GAREM1: variants seen among roughly 807,000 people sequenced by gnomAD.
GAREM1 encodes the protein GRB2-associated and regulator of MAPK protein 1.
GAREM1 carries 26 observed loss-of-function variants against 71.3 expected under a neutral mutation model. That is an observed-to-expected ratio of 0.36 (90% confidence interval 0.27 to 0.51). GAREM1 has a LOEUF of 0.51. GAREM1 is among the 20% of genes least tolerant of loss of function. The pLI is 0.95. For missense variants in GAREM1, 1,026 were observed against 1,103.1 expected, an observed-to-expected ratio of 0.93 and a Z score of 0.99; for synonymous variants, 440 against 433.2, an observed-to-expected ratio of 1.02 and a Z score of -0.20.
chr18:32,410,627 T>C (rs930090045), intron 1 of GAREM1, among the ~76,000 whole-genome samples: 2 of 152,126 alleles, frequency 1.3e-5, no homozygotes, highest in African/African-American at 4.8e-5. Flanking sequence ...GGTTCTATTA[T>C]TAATTAACTA....
intron 2 of GAREM1, among the ~76,000 whole-genome samples, chr18:32,362,442 G>T (rs368826816): frequency 5.3e-5 from 8 of 151,926 alleles, no homozygotes; most frequent in Non-Finnish European, 1.5e-5. Flanking sequence ...ATTTTCCTTC[G>T]GTTGTTAAAT....
intron 2 of GAREM1, among the ~76,000 whole-genome samples, chr18:32,314,878 C>T (rs770873683): frequency 6.6e-5 from 10 of 152,014 alleles, no homozygotes; most frequent in Admixed American, 2.6e-4. Context: ...TGAGCCACCG[C>T]GCCCTGCCAA....
At chr18:32,357,370 C>T (rs991308793) in intron 2 of GAREM1, among the ~76,000 whole-genome samples, 26 of 152,216 alleles carry the variant, frequency 1.7e-4, no homozygotes, top group African/African-American at 6.0e-4. Context: ...CAAGTAGCTT[C>T]TCCTTTTAAA....
At chr18:32,446,799 C>T (rs1378513071) in intron 1 of GAREM1, among the ~76,000 whole-genome samples, 3 of 152,088 alleles carry the variant, frequency 2.0e-5, no homozygotes, top group African/African-American at 7.2e-5. Context: ...CTTGCAATTC[C>T]TATAATTATT....
At position 32,266,225 on chromosome 18, in the gene GAREM1, T is replaced by C. The variant is rs1286416132; in HGVS notation, c.*1646A>G. On this transcript the variant is annotated 3_prime_UTR_variant, in exon 6 of 6. Coordinates refer to ENST00000269209, the MANE Select transcript of GAREM1 (RefSeq NM_001242409.2). ...TGGATTAAAAATATCTTTCTTCTAA[T>C]GCCAAGAAATAAAGACACATTTCAC... The C allele has an allele frequency of 6.6e-6, 1 of 152,184 alleles. No homozygotes were observed. The highest frequency in any genetic ancestry group is 1.5e-5 in the Non-Finnish European group (1 of 68,032). 9.4% of individuals were successfully genotyped at this position (152,184 alleles called of 1,614,324 possible).
intron 5 of GAREM1, 88 bp from the exon 6 acceptor site, chr18:32,268,856 T>A: frequency 9.2e-7 from 1 of 1,090,080 alleles, no homozygotes; most frequent in Non-Finnish European, 1.3e-6. Context: ...TACTGCTGAG[T>A]AGAAAAGCGC....
At chr18:32,420,194 T>C (rs192314356) in intron 1 of GAREM1, among the ~76,000 whole-genome samples, 5 of 152,332 alleles carry the variant, frequency 3.3e-5, no homozygotes, top group Admixed American at 1.3e-4. Flanking sequence ...TAGCTTTAAA[T>C]AGTTTCAAAA....
intron 3 of GAREM1, among the ~76,000 whole-genome samples, chr18:32,289,313 T>C (rs2047056301): frequency 6.6e-6 from 1 of 152,122 alleles, no homozygotes; most frequent in African/African-American, 2.4e-5. Flanking sequence ...TACTTATTTA[T>C]ACTTTTATCA....
intron 1 of GAREM1, among the ~76,000 whole-genome samples, chr18:32,469,372 C>T (rs1454498168): frequency 6.6e-6 from 1 of 152,158 alleles, no homozygotes; most frequent in Non-Finnish European, 1.5e-5. Context: ...CCACAGCTGC[C>T]CCACAGCAGG....
chr18:32,315,120 A>G (rs1282967214), intron 2 of GAREM1, among the ~76,000 whole-genome samples: 5 of 152,104 alleles, frequency 3.3e-5, no homozygotes, highest in African/African-American at 4.8e-5. Context: ...TCTCTGAGGT[A>G]AGAGGTTACC....
chr18:32,268,475 A>G lies in GAREM1; in HGVS notation c.2027T>C (p.Leu676Pro). Reference protein sequence around the residue: ...PAPFDFDGCELLASPTSPVTA... With the variant: ...PAPFDFDGCEPLASPTSPVTA... ...GACTGGGCTAGTGGGGCTGGCCAGG[A>G]GCTCACAGCCATCAAAATCAAAAGG... Residue 676 changes from leucine (L) to proline (P), a missense_variant, in exon 6 of 6, where the codon CTC (leucine) becomes CCC (proline). Transcript: ENST00000269209. 1 of 1,614,140 alleles carries G rather than the reference A, an allele frequency of 6.2e-7. No individual in the cohort carries two copies. The highest frequency in any genetic ancestry group is 1.7e-4 in the Middle Eastern group (1 of 6,058).
At chr18:32,448,690 C>T (rs1161194138) in intron 1 of GAREM1, among the ~76,000 whole-genome samples, 1 of 152,126 alleles carries the variant, frequency 6.6e-6, no homozygotes, top group Non-Finnish European at 1.5e-5. Flanking sequence ...ATTTATGTAC[C>T]TTTGAGGACA....
chr18:32,469,392 T>C (rs957392333), intron 1 of GAREM1, among the ~76,000 whole-genome samples: 10 of 152,140 alleles, frequency 6.6e-5, no homozygotes, highest in East Asian at 3.9e-4. Context: ...GGCAGGCTTC[T>C]TTCTGCAAAC....
chr18:32,295,971 TTTTTC>T (rs771853470), intron 3 of GAREM1, among the ~76,000 whole-genome samples: 5 of 151,968 alleles, frequency 3.3e-5, no homozygotes, highest in Non-Finnish European at 7.4e-5. Context: ...TTCTTTTTTT[TTTTTC>T]TTTTGAGATG....
chr18:32,455,405 T>C lies in GAREM1; in HGVS notation c.121+14903A>G, dbSNP rs185578148. On this transcript the variant is annotated intron_variant, in intron 1 of 5. Coordinates refer to ENST00000269209, the MANE Select transcript of GAREM1 (RefSeq NM_001242409.2). The stretch of plus-strand genomic sequence containing the variant: ...TACATTGAGAATAGCATGTGAAAGT[T>C]GCCCCTCCTACAAAAAATAATGGGG... 4.7e-3 allele frequency among the ~76,000 whole-genome samples: 711 copies of C among 152,252 alleles called. 4 individuals are homozygous for C. Among genetic ancestry groups the C allele is most frequent in the Middle Eastern group, 0.014 (4 of 294 alleles).
rs948656137 is a variant in GAREM1, at chr18:32,273,925, T to C, written c.1567-3542A>G. On this transcript the variant is annotated intron_variant, in intron 4 of 5. Transcript: ENST00000269209. The stretch of plus-strand genomic sequence containing the variant: ...CTCACTTTAGAGAAAGGTGTTTTGT[T>C]GTTGTTGTTGTTTTAAAGGATGACT... 7.2e-5 allele frequency among the ~76,000 whole-genome samples: 11 copies of C among 152,192 alleles called. No individual in the cohort carries two copies. The East Asian group carries it at 1.4e-3, about 19-fold the overall frequency.
intron 1 of GAREM1, among the ~76,000 whole-genome samples, chr18:32,415,343 C>T (rs112269952): frequency 0.075 from 11,362 of 152,056 alleles, 439 homozygotes; most frequent in African/African-American, 0.093. Flanking sequence ...GGGAATACTT[C>T]CAAACTCATT....
At chr18:32,299,424 G>A (rs1290980501) in intron 3 of GAREM1, among the ~76,000 whole-genome samples, 6 of 144,426 alleles carry the variant, frequency 4.2e-5, no homozygotes, top group African/African-American at 1.3e-4. Flanking sequence ...TGAGGCAGGA[G>A]AATGGCATGA....
chr18:32,282,838 T>G (rs1418115186), intron 4 of GAREM1, among the ~76,000 whole-genome samples: 2 of 152,246 alleles, frequency 1.3e-5, no homozygotes, highest in African/African-American at 4.8e-5. Flanking sequence ...AAATGGCATT[T>G]TCTAAAGAGG....
Sources: allele counts gnomAD v4.1 joint callset (sites outside exome capture counted in the v4.1 genomes callset), GRCh38; gene constraint gnomAD v4.1.1; transcripts MANE v1.5; gene names NCBI Gene and HGNC (gene_info 2026-07-23, HGNC 2026-07-21).